Variants in PCDHGA1 observed in about 807,000 individuals in gnomAD.
The protein encoded by PCDHGA1 is protocadherin gamma subfamily A, 1.
Under a neutral mutation model 58.0 loss-of-function variants are expected in PCDHGA1, and 32 were observed. The observed-to-expected ratio is 0.55, with a 90% CI of 0.42 to 0.74. The LOEUF (loss-of-function observed/expected upper bound fraction) is 0.74. Ranked by LOEUF, PCDHGA1 falls within the 30% of genes least tolerant of loss-of-function variation. The probability of loss-of-function intolerance (pLI) is 0.00; values close to 1 mark genes in which losing one functional copy is unlikely to be tolerated. For synonymous variants in PCDHGA1, 498 were observed against 501.1 expected (o/e 0.99, Z 0.08); for missense variants, 1,205 against 1,182.3 (o/e 1.02, Z -0.28).
rs61612330 is a variant in PCDHGA1 at position 141,454,796 on chromosome 5, ATTTTTTTT to A, written c.2422-39989_2422-39982del. Reference sequence around the variant, plus strand: ...AAGGAAATAATCCTCCATGGTTCTAATTTTTTTTTTTTTTTTTTTTTTTTTTTTTGAGA... The same window carrying A: ...AAGGAAATAATCCTCCATGGTTCTAATTTTTTTTTTTTTTTTTTTTTGAGA... On this transcript the variant is annotated intron_variant, in intron 1 of 3. Transcript: ENST00000517417. Among the ~76,000 whole-genome samples, 398 of 77,454 alleles carry A rather than the reference ATTTTTTTT, an allele frequency of 5.1e-3. 2 individuals are homozygous for A. The highest frequency in any genetic ancestry group is 0.021 in the African/African-American group (363 of 16,886). 50.8% of individuals were successfully genotyped at this position (77,454 alleles called of 152,430 possible).
rs746408347 is a variant in PCDHGA1 at position 141,486,293 on chromosome 5, G to A, written c.2422-8514G>A. ...TGGCACTGTGGTGGCACTTATCAGT[G>A]TGCAGGATCCAGACTCAGGGTCAAA... On this transcript the variant is annotated intron_variant, in intron 1 of 3. Transcript: ENST00000517417. This position sits in a 1 kb window ranked among gnomAD's most constrained non-coding sequence, Gnocchi z 5.0. The A allele has an allele frequency of 3.1e-6, 5 of 1,614,018 alleles. No homozygotes were observed. In the Admixed American group the frequency reaches 8.3e-5, roughly 27 times the overall value.
At chr5:141,450,006 C>CTTT (rs1554136305) in intron 1 of PCDHGA1, among the ~76,000 whole-genome samples, 1 of 132,986 alleles carries the variant, frequency 7.5e-6, no homozygotes, top group Non-Finnish European at 1.6e-5. Context: ...TGCCATGTCT[C>CTTT]TTTTTTTTTT....
chr5:141,422,785 T>C, intron 1 of PCDHGA1: 1 of 1,614,146 alleles, frequency 6.2e-7, no homozygotes, highest in Non-Finnish European at 8.5e-7. Flanking sequence ...TGCCCTACAA[T>C]CCTTCGACTA....
Position 141,487,265 on chromosome 5 carries a change from G to C in PCDHGA1, c.2422-7542G>C, listed in dbSNP as rs144347539. 6,978 of 1,614,152 alleles carry C rather than the reference G, an allele frequency of 4.3e-3. 28 individuals carry two copies. Among genetic ancestry groups the C allele is most frequent in the Non-Finnish European group, 4.9e-3 (5,770 of 1,180,028 alleles). ...AACCCTCTACTTGGCTGTGTCCCTA[G>C]TGGCAATTTGCTTTGTCTCCTTTGG... On this transcript the variant is annotated intron_variant, in intron 1 of 3. Coordinates refer to ENST00000517417, the MANE Select transcript of PCDHGA1 (RefSeq NM_018912.3). This position sits in a 1 kb window ranked among gnomAD's most constrained non-coding sequence, Gnocchi z 5.0.
intron 1 of PCDHGA1, chr5:141,415,772 T>C (rs540545854): frequency 4.5e-6 from 6 of 1,336,628 alleles, no homozygotes; most frequent in African/African-American, 1.8e-5. Context: ...TTTTTTTTTT[T>C]ACTTTCTGGT....
chr5:141,340,310 G>A lies in PCDHGA1; in HGVS notation c.2421+7205G>A, dbSNP rs1236347176. ...TTTGCTCCAGGTGGCAGACATCAACGACAACGCACCCGCCTTCTCCCGCAC... is the reference window on the plus strand; with the variant it reads ...TTTGCTCCAGGTGGCAGACATCAACAACAACGCACCCGCCTTCTCCCGCAC... On this transcript the variant is annotated intron_variant, in intron 1 of 3. Coordinates refer to ENST00000517417, the MANE Select transcript of PCDHGA1 (RefSeq NM_018912.3). 1.9e-6 allele frequency: 3 copies of A among 1,614,088 alleles called. No individual in the cohort carries two copies. In the African/African-American group the frequency reaches 4.0e-5, roughly 22 times the overall value.
chr5:141,372,639 C>A (rs760209074), intron 1 of PCDHGA1: 1 of 1,613,842 alleles, frequency 6.2e-7, no homozygotes, highest in Non-Finnish European at 8.5e-7. Flanking sequence ...AAGGACTTTG[C>A]CTTATTCCTA....
intron 1 of PCDHGA1, among the ~76,000 whole-genome samples, chr5:141,455,913 T>C (rs2098837234): frequency 7.2e-6 from 1 of 138,032 alleles, no homozygotes; most frequent in African/African-American, 2.7e-5. Context: ...ATTTATTTAT[T>C]TTGAGACGGA....
intron 1 of PCDHGA1, chr5:141,393,004 T>C (rs781030004): frequency 1.2e-6 from 2 of 1,613,554 alleles, no homozygotes; most frequent in Middle Eastern, 1.7e-4. Flanking sequence ...AAGCACGGAG[T>C]CCGTATCGTC....
intron 1 of PCDHGA1, chr5:141,421,516 T>C (rs199973694): frequency 6.8e-6 from 11 of 1,614,064 alleles, no homozygotes; most frequent in Non-Finnish European, 9.3e-6. Context: ...GGAGGAGCTC[T>C]GTGAGACGGT....
Position 141,500,858 on chromosome 5 carries a change from A to G in PCDHGA1, c.2481-4535A>G, listed in dbSNP as rs1160743056. Among the ~76,000 whole-genome samples the G allele has an allele frequency of 3.3e-5, 5 of 150,740 alleles. No individual in the cohort carries two copies. The South Asian group carries it at 1.0e-3, about 32-fold the overall frequency. ...TAATGGGCTTTTGCTACATTAGAAA[A>G]CATACACATTCATTTACAATTTTTT... On this transcript the variant is annotated intron_variant, in intron 2 of 3. Coordinates refer to ENST00000517417, the MANE Select transcript of PCDHGA1 (RefSeq NM_018912.3).
chr5:141,447,056 G>A (rs1452688256), intron 1 of PCDHGA1, among the ~76,000 whole-genome samples: 1 of 152,058 alleles, frequency 6.6e-6, no homozygotes, highest in Non-Finnish European at 1.5e-5. Flanking sequence ...CTATTAAAAT[G>A]TGTCAGGCTG....
intron 1 of PCDHGA1, chr5:141,390,193 A>G (rs1189352664): frequency 6.2e-7 from 1 of 1,614,060 alleles, no homozygotes; most frequent in African/African-American, 1.3e-5. Context: ...TGTAGTGAGC[A>G]GTTGAGTTCA....
At chr5:141,510,296 G>A (rs999749575) in intron 3 of PCDHGA1, among the ~76,000 whole-genome samples, 6 of 149,608 alleles carry the variant, frequency 4.0e-5, no homozygotes, top group African/African-American at 1.5e-4. Flanking sequence ...AAAAAATGCT[G>A]TTTTGAAATG....
chr5:141,489,334 C>T lies in PCDHGA1; in HGVS notation c.2422-5473C>T, dbSNP rs768635851. On this transcript the variant is annotated intron_variant, in intron 1 of 3. Transcript: ENST00000517417. This position sits in a 1 kb window ranked among gnomAD's most constrained non-coding sequence, Gnocchi z 4.5. ...CTGGGGCTGGGTGTCTGGGCAGCTTCGTTACTCAGTGGTGGAGGAGTCTGA... is the reference window on the plus strand; with the variant it reads ...CTGGGGCTGGGTGTCTGGGCAGCTTTGTTACTCAGTGGTGGAGGAGTCTGA... The T allele has an allele frequency of 3.7e-6, 6 of 1,606,732 alleles. No individual in the cohort carries two copies. The highest frequency in any genetic ancestry group is 1.1e-5 in the South Asian group (1 of 90,048).
At chr5:141,347,177 T>TTCTTTCTC (rs1554073424) in intron 1 of PCDHGA1, among the ~76,000 whole-genome samples, 5 of 147,132 alleles carry the variant, frequency 3.4e-5, no homozygotes, top group African/African-American at 1.0e-4. Context: ...CTTTCTTTCT[T>TTCTTTCTC]TCTTGACAGG....
intron 1 of PCDHGA1, among the ~76,000 whole-genome samples, chr5:141,472,862 T>C (rs770564770): frequency 1.3e-5 from 2 of 150,322 alleles, no homozygotes; most frequent in South Asian, 4.2e-4. Flanking sequence ...GGCACATGCC[T>C]GTATTCCCAG....
chr5:141,400,005 T>A, intron 1 of PCDHGA1: 1 of 1,612,520 alleles, frequency 6.2e-7, no homozygotes, highest in Non-Finnish European at 8.5e-7. Context: ...GCACAGCGCG[T>A]GCCTTGGGCG....
intron 1 of PCDHGA1, chr5:141,361,605 C>T (rs1291967828): frequency 4.3e-6 from 7 of 1,613,908 alleles, no homozygotes; most frequent in South Asian, 1.1e-5. Flanking sequence ...TTTCCTACTC[C>T]ATCGTAGCGA....
Sources: allele counts gnomAD v4.1 joint callset (sites outside exome capture counted in the v4.1 genomes callset), GRCh38; gene constraint gnomAD v4.1.1; non-coding constraint Gnocchi (gnomAD v3.1); transcripts MANE v1.5; gene names NCBI Gene and HGNC (gene_info 2026-07-23, HGNC 2026-07-21).